Variants in RBFOX1 observed in about 807,000 individuals in gnomAD.
RBFOX1 encodes the protein RNA binding protein fox-1 homolog 1.
Under a neutral mutation model 57.7 loss-of-function variants are expected in RBFOX1, and 8 were observed. That is an observed-to-expected ratio of 0.14 (90% CI 0.08 to 0.25). The LOEUF is 0.25. Ranked by LOEUF, RBFOX1 falls within the 10% of genes least tolerant of loss-of-function variation. The pLI, the probability that RBFOX1 is intolerant of heterozygous loss-of-function variation, is 1.00. For synonymous variants in RBFOX1, 326 were observed against 222.4 expected (o/e 1.47, Z -4.15); for missense variants, 611 against 548.5 (o/e 1.11, Z -1.14).
At chr16:6,806,123 G>T (rs1224992287) in intron 3 of RBFOX1, among the ~76,000 whole-genome samples, 1 of 151,366 alleles carries the variant, frequency 6.6e-6, no homozygotes, top group Non-Finnish European at 1.5e-5. Flanking sequence ...TGAATATTTA[G>T]ATGATTTAGA....
At chr16:7,391,767 C>CT (rs1396383575) in intron 4 of RBFOX1, among the ~76,000 whole-genome samples, 1 of 152,110 alleles carries the variant, frequency 6.6e-6, no homozygotes, top group Admixed American at 6.6e-5. Context: ...ATACAGTAGG[C>CT]TTTTAACAGT....
chr16:6,163,738 C>G (rs1434372429), intron 1 of RBFOX1, among the ~76,000 whole-genome samples: 1 of 152,128 alleles, frequency 6.6e-6, no homozygotes, highest in Non-Finnish European at 1.5e-5. Flanking sequence ...AATGCCAGGT[C>G]AGTCTGACAC....
At chr16:6,539,729 T>A (rs2096785241) in intron 2 of RBFOX1, among the ~76,000 whole-genome samples, 1 of 151,326 alleles carries the variant, frequency 6.6e-6, no homozygotes, top group African/African-American at 2.4e-5. Flanking sequence ...ACCTGGGAAA[T>A]GGAGGTTGCA....
At chr16:6,681,066 T>C (rs1245679013) in intron 3 of RBFOX1, among the ~76,000 whole-genome samples, 1 of 152,172 alleles carries the variant, frequency 6.6e-6, no homozygotes, top group Non-Finnish European at 1.5e-5. Flanking sequence ...ATGCCAGTCC[T>C]TTGCAAGGCT....
At position 5,518,570 on chromosome 16, in the gene RBFOX1, A is replaced by G. The variant is rs115081109; in HGVS notation, c.258+51316A>G. On this transcript the variant is annotated intron_variant, in intron 2 of 2. Transcript: ENST00000585867. ...GTGTTAATTTAGAGTAGATTAAGAA[A>G]TGAGAGGAAATCCATAAACCTGCAA... is the stretch of plus-strand genomic sequence containing the variant. 2.0e-3 allele frequency among the ~76,000 whole-genome samples: 304 copies of G among 152,350 alleles called. 1 individual carries two copies. Among genetic ancestry groups the G allele is most frequent in the African/African-American group, 7.2e-3 (298 of 41,580 alleles).
At chr16:6,053,240 C>G (rs1355771419) in intron 1 of RBFOX1, among the ~76,000 whole-genome samples, 1 of 152,120 alleles carries the variant, frequency 6.6e-6, no homozygotes, top group East Asian at 1.9e-4. Context: ...TGCATCTTAG[C>G]TGGAAACAAT....
At chr16:6,996,715 C>T (rs2092283606) in intron 3 of RBFOX1, among the ~76,000 whole-genome samples, 1 of 152,158 alleles carries the variant, frequency 6.6e-6, no homozygotes, top group Admixed American at 6.5e-5. Flanking sequence ...TAATGCAGTG[C>T]TTCATACAAA....
chr16:7,220,358 C>A (rs187568457), intron 4 of RBFOX1, among the ~76,000 whole-genome samples: 1 of 152,116 alleles, frequency 6.6e-6, no homozygotes, highest in African/African-American at 2.4e-5. Context: ...CAACATGGCC[C>A]CAAGTATAGG....
intron 2 of RBFOX1, among the ~76,000 whole-genome samples, chr16:6,574,574 G>A (rs1406670947): frequency 1.9e-4 from 28 of 150,262 alleles, no homozygotes; most frequent in Non-Finnish European, 3.3e-4. Context: ...GACTACAGGC[G>A]CCCGCCACCA....
chr16:6,612,649 C>G (rs1327802179), intron 2 of RBFOX1, among the ~76,000 whole-genome samples: 1 of 151,846 alleles, frequency 6.6e-6, no homozygotes. Context: ...GTCAGGAGTT[C>G]AAGATCAGCC....
At chr16:6,052,652 C>G (rs1302593367) in intron 1 of RBFOX1, among the ~76,000 whole-genome samples, 1 of 151,768 alleles carries the variant, frequency 6.6e-6, no homozygotes, top group East Asian at 1.9e-4. Context: ...GGCGCGGTGG[C>G]GGGCGCCTGT....
At chr16:7,583,148 C>CTTTT (rs34658435) in intron 6 of RBFOX1, among the ~76,000 whole-genome samples, 1 of 132,388 alleles carries the variant, frequency 7.6e-6, no homozygotes. Flanking sequence ...TCTAGCTCAT[C>CTTTT]TTTTTTTTTT....
intron 2 of RBFOX1, among the ~76,000 whole-genome samples, chr16:6,636,093 G>C (rs1161494622): frequency 6.6e-6 from 1 of 152,142 alleles, no homozygotes; most frequent in Non-Finnish European, 1.5e-5. Context: ...TATGGAGGTC[G>C]GGTATTGAAT....
chr16:7,184,443 C>T (rs2083324904), intron 4 of RBFOX1, among the ~76,000 whole-genome samples: 1 of 152,206 alleles, frequency 6.6e-6, no homozygotes, highest in African/African-American at 2.4e-5. Flanking sequence ...CCTCATGACC[C>T]AGGGTGTCTG....
At chr16:5,385,541 A>T (rs1191397656) in intron 1 of RBFOX1, among the ~76,000 whole-genome samples, 3 of 152,220 alleles carry the variant, frequency 2.0e-5, no homozygotes, top group African/African-American at 7.2e-5. Context: ...AAAGAATGAC[A>T]TGGCTTTCTC....
chr16:5,445,532 C>T (rs1322767415), intron 1 of RBFOX1, among the ~76,000 whole-genome samples: 1 of 152,176 alleles, frequency 6.6e-6, no homozygotes, highest in East Asian at 1.9e-4. Flanking sequence ...CAATGCACTC[C>T]TACTTGTAGC....
chr16:5,598,544 A>G (rs1056590350), intron 2 of RBFOX1, among the ~76,000 whole-genome samples: 2 of 152,336 alleles, frequency 1.3e-5, no homozygotes, highest in Admixed American at 6.5e-5. Context: ...ATTTTTATAT[A>G]TTATTAAATG....
At chr16:7,666,268 A>T (rs973974319) in intron 13 of RBFOX1, among the ~76,000 whole-genome samples, 1 of 152,140 alleles carries the variant, frequency 6.6e-6, no homozygotes, top group African/African-American at 2.4e-5. Flanking sequence ...AGGAGCCAGA[A>T]TGGTAGTTGG....
chr16:5,393,341 G>A (rs1285505276), intron 1 of RBFOX1, among the ~76,000 whole-genome samples: 1 of 152,214 alleles, frequency 6.6e-6, no homozygotes, highest in Non-Finnish European at 1.5e-5. Flanking sequence ...TTGGCAGCTT[G>A]GGTGTATCTG....
Sources: allele counts gnomAD v4.1 joint callset (sites outside exome capture counted in the v4.1 genomes callset), GRCh38; gene constraint gnomAD v4.1.1; transcripts MANE v1.5; gene names NCBI Gene and HGNC (gene_info 2026-07-23, HGNC 2026-07-21).